The following CHD3 variants were observed in gnomAD, a reference collection of about 807,000 sequenced individuals.
The protein encoded by CHD3 is ATP-dependent chromatin remodeler CHD3.
CHD3 carries 52 observed loss-of-function variants against 248.9 expected under a neutral mutation model. That is an observed-to-expected ratio of 0.21 (90% CI 0.17 to 0.26). CHD3 has a LOEUF of 0.26. Among genes scored for constraint, CHD3 ranks in the 10% least tolerant of loss-of-function variants. The pLI is 1.00. For synonymous variants in CHD3, 985 were observed against 985.2 expected (o/e 1.00, Z 0.00); for missense variants, 1,482 against 2,605.8 (o/e 0.57, Z 9.39).
At position 7,897,827 on chromosome 17, in the gene CHD3, A is replaced by G. The variant is rs1240606871; in HGVS notation, c.1920-144A>G. 6 of 854,984 alleles carry G rather than the reference A, an allele frequency of 7.0e-6. No individual in the cohort carries two copies. The East Asian group carries it at 7.6e-5, about 11-fold the overall frequency. The allele number at this position is 854,984 out of a possible 1,614,324, so 53.0% of individuals were successfully genotyped here. A position where few individuals can be genotyped will look rare whatever the true frequency, so the allele number is the denominator to read the frequency against. On this transcript the variant is annotated intron_variant, in intron 11 of 39. Transcript: ENST00000330494. The surrounding 1 kb of genome is among the most constrained non-coding windows in gnomAD (Gnocchi z 4.8). ...TTAGGCTGCTAGGTCAACTATTCCA[A>G]TCTCCCTTCCAGCAGCTCACTGTTG...
At position 7,893,424 on chromosome 17, in the gene CHD3, A is replaced by G; in HGVS notation, c.648A>G (p.Ala216=). 1 of 1,612,004 alleles carries G rather than the reference A, an allele frequency of 6.2e-7. No individual in the cohort carries two copies. Among genetic ancestry groups the G allele is most frequent in the South Asian group, 1.1e-5 (1 of 90,986 alleles). ...AAAVAAAAAA[A]AAAVAEQVSA... ...CTGTGGCGGCGGCAGCGGCAGCAGC[A>G]GCAGCAGCTGTAGCTGAGCAGGTGT... Residue 216 remains alanine (A), a synonymous_variant, in exon 5 of 40, where the codon GCA becomes GCG. Coordinates refer to ENST00000330494, the MANE Select transcript of CHD3 (RefSeq NM_001005273.3).
chr17:7,904,550 C>A lies in CHD3; in HGVS notation c.4003C>A (p.Arg1335=). The A allele has an allele frequency of 6.2e-7, 1 of 1,614,066 alleles. No homozygotes were observed. ...TGAGCAACAGCAGGAAGACCTAGCC[C>A]GGAATCTAGGCAAGGGCAAGCGGGT... ...HYEQQQEDLA[R]NLGKGKRVRK... Residue 1335 remains arginine, a synonymous_variant, in exon 25 of 40, where the codon CGG becomes AGG. Coordinates refer to ENST00000330494, the MANE Select transcript of CHD3 (RefSeq NM_001005273.3). The surrounding 1 kb of genome is among the most constrained non-coding windows in gnomAD (Gnocchi z 4.4).
At position 7,903,961 on chromosome 17, in the gene CHD3, G is replaced by A; in HGVS notation, c.3864G>A (p.Val1288=). 1 of 1,614,138 alleles carries A rather than the reference G, an allele frequency of 6.2e-7. No homozygotes were observed. The highest frequency in any genetic ancestry group is 8.5e-7 in the Non-Finnish European group (1 of 1,180,026). The change falls in exon 24 of 40, where the codon GTG becomes GTA. Residue 1288 remains valine (V), a synonymous_variant. Transcript: ENST00000330494. This position sits in a 1 kb window ranked among gnomAD's most constrained non-coding sequence, Gnocchi z 6.8. ...ATGAGTATCTCAGCTCCTTCAAGGT[G>A]GCACAGTACGTCGTGCGGGAAGAAG... ...NMNEYLSSFK[V]AQYVVREEDK...
rs1597992181 is a variant in CHD3 at position 7,906,097 on chromosome 17, A to C, written c.4358+108A>C. ...ATGTGACCTTACTCAACTGATTATC[A>C]CCCTCCCTGTCATACAATACTTCCT... On this transcript the variant is annotated intron_variant, in intron 28 of 39. Coordinates refer to ENST00000330494, the MANE Select transcript of CHD3 (RefSeq NM_001005273.3). This position sits in a 1 kb window ranked among gnomAD's most constrained non-coding sequence, Gnocchi z 5.0. The C allele has an allele frequency of 6.8e-7, 1 of 1,470,198 alleles. No individual in the cohort carries two copies. The highest frequency in any genetic ancestry group is 9.4e-7 in the Non-Finnish European group (1 of 1,060,416). The allele number at this position is 1,470,198 out of a possible 1,614,324, so 91.1% of individuals were successfully genotyped here. A position where few individuals can be genotyped will look rare whatever the true frequency, so the allele number is the denominator to read the frequency against.
intron 20 of CHD3, 40 bp downstream of exon 20, chr17:7,901,415 T>C (rs1392450929): frequency 1.3e-6 from 2 of 1,516,438 alleles, no homozygotes; most frequent in African/African-American, 2.8e-5. Context: ...CTGCTTCCTC[T>C]TCCCTCTCCT....
rs1000078283 is a variant in CHD3 at position 7,909,959 on chromosome 17, C to T, written c.5591-469C>T. ...TAATTCCTTGAATCTGTAATACTGA[C>T]CTTCTAACCTCCCTCTCCCCTTACA... is the stretch of plus-strand genomic sequence containing the variant. On this transcript the variant is annotated intron_variant, in intron 37 of 39. Coordinates refer to ENST00000330494, the MANE Select transcript of CHD3 (RefSeq NM_001005273.3). This position sits in a 1 kb window ranked among gnomAD's most constrained non-coding sequence, Gnocchi z 8.1. 2 of 240,932 alleles carry T rather than the reference C, an allele frequency of 8.3e-6. No homozygotes were observed. Among genetic ancestry groups the T allele is most frequent in the African/African-American group, 2.3e-5 (1 of 42,770 alleles). 14.9% of individuals were successfully genotyped at this position (240,932 alleles called of 1,614,324 possible).
chr17:7,910,051 C>A lies in CHD3; in HGVS notation c.5591-377C>A. The A allele has an allele frequency of 3.1e-6, 1 of 325,086 alleles. No individual in the cohort carries two copies. The highest frequency in any genetic ancestry group is 2.8e-5 in the South Asian group (1 of 36,108). 20.1% of individuals were successfully genotyped at this position (325,086 alleles called of 1,614,324 possible). A position where few individuals can be genotyped will look rare whatever the true frequency, so the allele number is the denominator to read the frequency against. ...TCCCATGCCTCCTGACTATTTCCTC[C>A]CCATCATCCCCAACCCCAAACCTTG... On this transcript the variant is annotated intron_variant, in intron 37 of 39. Coordinates refer to ENST00000330494, the MANE Select transcript of CHD3 (RefSeq NM_001005273.3). The surrounding 1 kb of genome is among the most constrained non-coding windows in gnomAD (Gnocchi z 4.7).
In CHD3 at chr17:7,906,955, A is replaced by G. The variant is rs1156230891; in HGVS notation, c.4590A>G (p.Arg1530=). ...DPSADSKRSS[R]ASSPTKTSPT... is the part of the protein sequence containing the mutation. Reference sequence around the variant, plus strand: ...GCGCCGATTCTAAGCGCTCCTCCAGAGCCTCCTCTCCTACCAAAACGTCTC... The same window carrying G: ...GCGCCGATTCTAAGCGCTCCTCCAGGGCCTCCTCTCCTACCAAAACGTCTC... The change falls in exon 30 of 40, where the codon AGA becomes AGG. Residue 1530 remains arginine (R), a synonymous_variant. Coordinates refer to ENST00000330494, the MANE Select transcript of CHD3 (RefSeq NM_001005273.3). This position sits in a 1 kb window ranked among gnomAD's most constrained non-coding sequence, Gnocchi z 5.0. The G allele has an allele frequency of 1.9e-6, 3 of 1,613,796 alleles. No individual in the cohort carries two copies.
upstream of CHD3, among the ~76,000 whole-genome samples, chr17:7,888,191 C>G (rs1968279670): frequency 6.6e-6 from 1 of 152,222 alleles, no homozygotes; most frequent in African/African-American, 2.4e-5. Context: ...GGCAGCCACC[C>G]CCCTGCACAC....
At chr17:7,888,281 A>G (rs1968300728), upstream of CHD3, among the ~76,000 whole-genome samples, 1 of 152,222 alleles carries the variant, frequency 6.6e-6, no homozygotes, top group Non-Finnish European at 1.5e-5. Context: ...CACTGAAGGA[A>G]GGCGAGGCAG....
At position 7,888,832 on chromosome 17, in the gene CHD3, T is replaced by C. The variant is rs1968399214; in HGVS notation, c.-169T>C. The C allele has an allele frequency of 3.6e-5, 52 of 1,449,546 alleles. No homozygotes were observed. Among genetic ancestry groups the C allele is most frequent in the Non-Finnish European group, 4.6e-5 (51 of 1,106,230 alleles). The allele number at this position is 1,449,546 out of a possible 1,614,324, so 89.8% of individuals were successfully genotyped here. On this transcript the variant is annotated 5_prime_UTR_variant, in exon 1 of 40. Transcript: ENST00000330494. ...CCCATACTGCGTATAGATGAATGGG[T>C]CAGGATATCTGGAACAAAATATGGA... is the stretch of plus-strand genomic sequence containing the variant.
chr17:7,899,506 A>C lies in CHD3; in HGVS notation c.2507A>C (p.Asn836Thr). 6.2e-7 allele frequency: 1 copy of C among 1,614,118 alleles called. No individual in the cohort carries two copies. Among genetic ancestry groups the C allele is most frequent in the Non-Finnish European group, 8.5e-7 (1 of 1,179,998 alleles). ...GAGAATGAATTCTCCTTTGAGGACA[A>C]TGCCATCAAAGGGGGCAAGAAAGCT... is the stretch of plus-strand genomic sequence containing the variant. ...IRENEFSFED[N>T]AIKGGKKAFK... The change falls in exon 15 of 40, where the codon AAT becomes ACT. Residue 836 changes from asparagine (N) to threonine (T), a missense_variant. Physicochemically the swap from Asn to Thr is moderately conservative, Grantham distance 65 (BLOSUM62 0). This residue lies in a region of CHD3 where 49 missense variants were observed against 93.8 expected (regional missense o/e 0.52). Coordinates refer to ENST00000330494, the MANE Select transcript of CHD3 (RefSeq NM_001005273.3). The surrounding 1 kb of genome is among the most constrained non-coding windows in gnomAD (Gnocchi z 6.8).
At position 7,900,485 on chromosome 17, in the gene CHD3, C is replaced by CT; in HGVS notation, c.2805-72dup. The CT allele has an allele frequency of 1.2e-6, 2 of 1,611,304 alleles. No individual in the cohort carries two copies. Among genetic ancestry groups the CT allele is most frequent in the Non-Finnish European group, 1.7e-6 (2 of 1,178,008 alleles). ...TAAAATGAGCTGGTAGAGGATTAAT[C>CT]TGAGGTGGTAAGTCTGAGATCAGGG... On this transcript the variant is annotated intron_variant, in intron 17 of 39. Transcript: ENST00000330494. The surrounding 1 kb of genome is among the most constrained non-coding windows in gnomAD (Gnocchi z 6.5).
chr17:7,895,509 C>T lies in CHD3; in HGVS notation c.1674C>T (p.Ser558=). 1.2e-6 allele frequency: 2 copies of T among 1,614,044 alleles called. No individual in the cohort carries two copies. The highest frequency in any genetic ancestry group is 1.7e-6 in the Non-Finnish European group (2 of 1,179,992). ...TCTTTGTCAAGTGGGTAGGACTATC[C>T]TACTGGCACTGCTCCTGGGCCAAGG... ...REFFVKWVGL[S]YWHCSWAKEL... Residue 558 remains serine (S), a synonymous_variant, in exon 10 of 40, where the codon TCC becomes TCT. Coordinates refer to ENST00000330494, the MANE Select transcript of CHD3 (RefSeq NM_001005273.3). The surrounding 1 kb of genome is among the most constrained non-coding windows in gnomAD (Gnocchi z 4.9).
Position 7,910,126 on chromosome 17 carries a change from A to T in CHD3, c.5591-302A>T. On this transcript the variant is annotated intron_variant, in intron 37 of 39. Transcript: ENST00000330494. The surrounding 1 kb of genome is among the most constrained non-coding windows in gnomAD (Gnocchi z 4.7). ...CAACTCCCCGCCCCCATGTCTTCCA[A>T]TGTCCCCCCATCTTCCTTTCCTCCA... 3.6e-6 allele frequency: 1 copy of T among 281,568 alleles called. No individual in the cohort carries two copies. The allele number at this position is 281,568 out of a possible 1,614,324, so 17.4% of individuals were successfully genotyped here. A position where few individuals can be genotyped will look rare whatever the true frequency, so the allele number is the denominator to read the frequency against.
Position 7,903,320 on chromosome 17 carries a change from T to C in CHD3, c.3544T>C (p.Tyr1182His). Residue 1182 changes from tyrosine (Y) to histidine (H), a missense_variant, in exon 23 of 40, where the codon TAC (tyrosine) becomes CAC (histidine). Tyr to His is a moderately conservative substitution (Grantham distance 83). This residue lies in a region of CHD3 where 6 missense variants were observed against 77.2 expected (regional missense o/e 0.08). Transcript: ENST00000330494. The surrounding 1 kb of genome is among the most constrained non-coding windows in gnomAD (Gnocchi z 6.8). ...TGGCCAGGCCAACAAAGTGATGATT[T>C]ACCGGTTTGTGACTCGCGCGTCAGT... Reference protein sequence around the residue: ...RIGQANKVMIYRFVTRASVEE... With the variant: ...RIGQANKVMIHRFVTRASVEE... The C allele has an allele frequency of 6.2e-7, 1 of 1,614,146 alleles. No homozygotes were observed. The highest frequency in any genetic ancestry group is 8.5e-7 in the Non-Finnish European group (1 of 1,180,016).
At position 7,903,071 on chromosome 17, in the gene CHD3, C is replaced by T. The variant is rs756257143; in HGVS notation, c.3495+10C>T. On this transcript the variant is annotated intron_variant, in intron 22 of 39. Coordinates refer to ENST00000330494, the MANE Select transcript of CHD3 (RefSeq NM_001005273.3). The surrounding 1 kb of genome is among the most constrained non-coding windows in gnomAD (Gnocchi z 6.8). ...CCATAATGACATCCAGGTGGGAACT[C>T]GCATCCTAGAACCCCTGCACCATTT... The T allele has an allele frequency of 6.8e-6, 11 of 1,611,820 alleles. No individual in the cohort carries two copies. The highest frequency in any genetic ancestry group is 1.1e-5 in the South Asian group (1 of 90,994).
Position 7,900,506 on chromosome 17 carries a change from C to G in CHD3, c.2805-52C>G. ...TAATCTGAGGTGGTAAGTCTGAGAT[C>G]AGGGGCAAGGAACTTGCCGACCTGT... is the stretch of plus-strand genomic sequence containing the variant. On this transcript the variant is annotated intron_variant, in intron 17 of 39. Coordinates refer to ENST00000330494, the MANE Select transcript of CHD3 (RefSeq NM_001005273.3). This position sits in a 1 kb window ranked among gnomAD's most constrained non-coding sequence, Gnocchi z 6.5. The G allele has an allele frequency of 1.9e-6, 3 of 1,609,560 alleles. No homozygotes were observed. Among genetic ancestry groups the G allele is most frequent in the East Asian group, 2.2e-5 (1 of 44,760 alleles).
At position 7,899,472 on chromosome 17, in the gene CHD3, A is replaced by G. The variant is rs756135669; in HGVS notation, c.2473A>G (p.Ile825Val). The change falls in exon 15 of 40, where the codon ATC becomes GTC. Residue 825 changes from isoleucine (I) to valine (V), a missense_variant. Ile to Val is a conservative substitution (Grantham distance 29). Transcript: ENST00000330494. The surrounding 1 kb of genome is among the most constrained non-coding windows in gnomAD (Gnocchi z 6.8). ...TYTGDKDSRA[I>V]IRENEFSFED... ...CACGGGTGACAAGGACAGCCGGGCC[A>G]TCATTCGTGAGAATGAATTCTCCTT... 2 of 1,614,182 alleles carry G rather than the reference A, an allele frequency of 1.2e-6. No homozygotes were observed. Among genetic ancestry groups the G allele is most frequent in the Admixed American group, 3.3e-5 (2 of 60,020 alleles).
Sources: allele counts gnomAD v4.1 joint callset (sites outside exome capture counted in the v4.1 genomes callset), GRCh38; gene constraint gnomAD v4.1.1; regional missense constraint gnomAD v4.1.1; non-coding constraint Gnocchi (gnomAD v3.1); transcripts MANE v1.5; gene names NCBI Gene and HGNC (gene_info 2026-07-23, HGNC 2026-07-21).